The following MALRD1 variants were observed in gnomAD, a reference collection of about 807,000 sequenced individuals.
MALRD1 encodes the protein MAM and LDL-receptor class A domain-containing protein 1.
In MALRD1, 247 loss-of-function variants were observed where a neutral mutation model predicts 242.1. The ratio of observed to expected loss-of-function variants is 1.02; its 90% CI spans 0.92 to 1.13. MALRD1 has a LOEUF of 1.13. MALRD1 is among the 50% of genes most tolerant of loss of function. The pLI, the probability that MALRD1 is intolerant of heterozygous loss-of-function variation, is 0.00. For missense variants in MALRD1, 2,989 were observed against 2,533.1 expected (o/e 1.18, Z -3.86); for synonymous variants, 995 against 866.6 (o/e 1.15, Z -2.60).
intron 24 of MALRD1, among the ~76,000 whole-genome samples, chr10:19,332,713 C>T (rs941876675): frequency 2.6e-5 from 4 of 152,048 alleles, no homozygotes; most frequent in African/African-American, 7.2e-5. Flanking sequence ...TGTTCAAAGC[C>T]TTTTTATTTA....
intron 28 of MALRD1, among the ~76,000 whole-genome samples, chr10:19,430,631 C>T (rs1834091114): frequency 6.6e-6 from 1 of 152,104 alleles, no homozygotes; most frequent in Non-Finnish European, 1.5e-5. Flanking sequence ...TATCTGTGAG[C>T]TCCTTAAATC....
intron 28 of MALRD1, among the ~76,000 whole-genome samples, chr10:19,396,516 T>C (rs1403913390): frequency 6.6e-6 from 1 of 152,198 alleles, no homozygotes; most frequent in Non-Finnish European, 1.5e-5. Flanking sequence ...AGGAAGATAC[T>C]TTGTTTTCTA....
chr10:19,473,709 C>T (rs1182921818), intron 29 of MALRD1, among the ~76,000 whole-genome samples: 1 of 151,986 alleles, frequency 6.6e-6, no homozygotes, highest in African/African-American at 2.4e-5. Flanking sequence ...GCATATACCA[C>T]ATTTTGTTTA....
chr10:19,373,243 C>T (rs2130756227), intron 26 of MALRD1, among the ~76,000 whole-genome samples: 1 of 103,858 alleles, frequency 9.6e-6, no homozygotes, highest in South Asian at 3.0e-4. Context: ...CACGGTGGCT[C>T]ATGCGTGTAA....
At chr10:19,732,362 A>G (rs1322150142) in intron 39 of MALRD1, among the ~76,000 whole-genome samples, 3 of 152,156 alleles carry the variant, frequency 2.0e-5, no homozygotes, top group Non-Finnish European at 2.9e-5. Flanking sequence ...TCCTGGGTTC[A>G]AGTGATTCTC....
At position 19,454,433 on chromosome 10, in the gene MALRD1, A is replaced by ATATATATATATATATAT. The variant is rs1835523396; in HGVS notation, c.5029+3944_5029+3945insATATATATATATATATT. The stretch of plus-strand genomic sequence containing the variant: ...ATATATATATATATATATATATATA[A>ATATATATATATATATAT]TTATATGATACATACATATAAATTA... On this transcript the variant is annotated intron_variant, in intron 29 of 39. Coordinates refer to ENST00000454679, the MANE Select transcript of MALRD1 (RefSeq NM_001142308.3). Among the ~76,000 whole-genome samples, 25 of 55,420 alleles carry ATATATATATATATATAT rather than the reference A, an allele frequency of 4.5e-4. No individual in the cohort carries two copies. In the East Asian group the frequency reaches 8.9e-3, roughly 20 times the overall value. The allele number at this position is 55,420 out of a possible 152,430, so 36.4% of individuals were successfully genotyped here. A position where few individuals can be genotyped will look rare whatever the true frequency, so the allele number is the denominator to read the frequency against.
intron 26 of MALRD1, among the ~76,000 whole-genome samples, chr10:19,365,923 G>A (rs1845090307): frequency 6.6e-6 from 1 of 151,974 alleles, no homozygotes; most frequent in African/African-American, 2.4e-5. Flanking sequence ...GAGGCAACCA[G>A]TATTTTGATG....
At chr10:19,694,582 A>G (rs973571051) in intron 38 of MALRD1, among the ~76,000 whole-genome samples, 3 of 152,156 alleles carry the variant, frequency 2.0e-5, no homozygotes, top group African/African-American at 7.2e-5. Context: ...AGCAGGTGCT[A>G]GAGAGGATCT....
chr10:19,473,438 G>A (rs1271221824), intron 29 of MALRD1, among the ~76,000 whole-genome samples: 1 of 151,796 alleles, frequency 6.6e-6, no homozygotes, highest in African/African-American at 2.4e-5. Context: ...TTTCCATCTT[G>A]CAAAACTGAA....
Position 19,280,176 on chromosome 10 carries a change from G to A in MALRD1, c.3209G>A (p.Cys1070Tyr), listed in dbSNP as rs1291592448. The A allele has an allele frequency of 1.3e-6, 2 of 1,540,462 alleles. No homozygotes were observed. The highest frequency in any genetic ancestry group is 1.2e-5 in the South Asian group (1 of 82,040). Reference sequence around the variant, plus strand: ...CACTGCATTGAAAAAATGCAGAAATGTGATTTTAAATATGACTGCCCTGAC... The same window carrying A: ...CACTGCATTGAAAAAATGCAGAAATATGATTTTAAATATGACTGCCCTGAC... ...DGHCIEKMQK[C>Y]DFKYDCPDKS... Residue 1070 changes from cysteine (C) to tyrosine (Y), a missense_variant, in exon 20 of 40, where the codon TGT (cysteine) becomes TAT (tyrosine). By Grantham distance (194) the Cys-to-Tyr change is radical. Transcript: ENST00000454679.
At chr10:19,426,872 A>G (rs189549051) in intron 28 of MALRD1, among the ~76,000 whole-genome samples, 168 of 152,232 alleles carry the variant, frequency 1.1e-3, no homozygotes, top group African/African-American at 3.8e-3. Flanking sequence ...GATTTTATAT[A>G]TATTTTTTTC....
intron 13 of MALRD1, 118 bp from the exon 14 acceptor site, chr10:19,175,089 TA>T: frequency 1.4e-6 from 1 of 723,756 alleles, no homozygotes; most frequent in Non-Finnish European, 1.9e-6. Context: ...AACAGTTTTC[TA>T]AAATTAGATT....
chr10:19,289,467 A>G (rs1841299233), intron 21 of MALRD1, among the ~76,000 whole-genome samples: 1 of 152,180 alleles, frequency 6.6e-6, no homozygotes, highest in Non-Finnish European at 1.5e-5. Context: ...ACAGAACACA[A>G]AATTAACTTT....
At chr10:19,431,515 ATTT>A (rs1226691705) in intron 28 of MALRD1, among the ~76,000 whole-genome samples, 2 of 152,146 alleles carry the variant, frequency 1.3e-5, no homozygotes, top group Non-Finnish European at 2.9e-5. Context: ...TCTATATTTT[ATTT>A]TTATGTACTG....
At chr10:19,101,385 G>A (rs998252379) in intron 4 of MALRD1, among the ~76,000 whole-genome samples, 27 of 139,482 alleles carry the variant, frequency 1.9e-4, no homozygotes, top group Admixed American at 1.8e-3. Context: ...ACCAACTTGG[G>A]TATGTATATT....
At chr10:19,363,665 A>G (rs550834767) in intron 26 of MALRD1, among the ~76,000 whole-genome samples, 6 of 152,254 alleles carry the variant, frequency 3.9e-5, no homozygotes, top group African/African-American at 1.4e-4. Flanking sequence ...AGAAGGCAAT[A>G]AATAAGAAGC....
chr10:19,665,950 G>A (rs974229198), intron 36 of MALRD1, among the ~76,000 whole-genome samples: 3 of 151,080 alleles, frequency 2.0e-5, no homozygotes, highest in Non-Finnish European at 4.4e-5. Context: ...CAGTGCTTTC[G>A]CTGTGGCCCT....
At chr10:19,580,287 TA>T (rs1837047261) in intron 33 of MALRD1, among the ~76,000 whole-genome samples, 1 of 152,228 alleles carries the variant, frequency 6.6e-6, no homozygotes, top group African/African-American at 2.4e-5. Context: ...AGGAATTCTT[TA>T]TAATCCTGGC....
chr10:19,477,723 T>C (rs962844527), intron 29 of MALRD1, among the ~76,000 whole-genome samples: 2 of 152,176 alleles, frequency 1.3e-5, no homozygotes, highest in South Asian at 2.1e-4. Flanking sequence ...CCAGATTTCA[T>C]AGATAAGCTT....
Sources: gnomAD v4.1 joint callset for allele counts (sites outside exome capture counted in the v4.1 genomes callset) on GRCh38, gnomAD v4.1.1 for gene constraint, MANE v1.5 for transcripts, NCBI Gene and HGNC (gene_info 2026-07-23, HGNC 2026-07-21) for gene names.